The following DPF3 variants were observed in gnomAD, a reference collection of about 807,000 sequenced individuals.
DPF3 encodes zinc finger protein DPF3.
A neutral mutation model predicts 56.8 loss-of-function variants in DPF3; 18 were observed. The observed-to-expected ratio is 0.32, with a 90% CI of 0.22 to 0.47. The LOEUF (loss-of-function observed/expected upper bound fraction) is 0.47, where lower values mean the gene tolerates loss of function less well. Among genes scored for constraint, DPF3 ranks in the 20% least tolerant of loss-of-function variants. DPF3 has a pLI of 1.00. For synonymous variants in DPF3, 188 were observed against 180.2 expected (o/e 1.04, Z -0.35); for missense variants, 403 against 488.8 (o/e 0.82, Z 1.65).
chr14:72,765,407 C>A (rs1007819995), intron 2 of DPF3, among the ~76,000 whole-genome samples: 4 of 152,078 alleles, frequency 2.6e-5, no homozygotes, highest in Non-Finnish European at 4.4e-5. Flanking sequence ...AGGTAGTTAA[C>A]CTCTCAAGGA....
At chr14:72,660,704 G>A (rs1886179447) in intron 8 of DPF3, among the ~76,000 whole-genome samples, 1 of 152,150 alleles carries the variant, frequency 6.6e-6, no homozygotes, top group Non-Finnish European at 1.5e-5. Flanking sequence ...ATACTAAGTC[G>A]GTTCACATAA....
At chr14:72,767,381 A>G (rs1320978929) in intron 2 of DPF3, among the ~76,000 whole-genome samples, 1 of 152,246 alleles carries the variant, frequency 6.6e-6, no homozygotes, top group Non-Finnish European at 1.5e-5. Flanking sequence ...GCCATCATTA[A>G]AAGTGTTTCA....
At chr14:72,746,029 G>A (rs559183435) in intron 3 of DPF3, among the ~76,000 whole-genome samples, 2 of 152,292 alleles carry the variant, frequency 1.3e-5, no homozygotes, top group Admixed American at 1.3e-4. Flanking sequence ...ACAGAAGAGG[G>A]GCTGAGATCT....
chr14:72,615,605 C>T lies in DPF3; in HGVS notation c.*3692G>A, dbSNP rs1220631721. On this transcript the variant is annotated 3_prime_UTR_variant, in exon 11 of 11. Coordinates refer to ENST00000556509, the MANE Select transcript of DPF3 (RefSeq NM_001280542.3). ...GGAGGAATCTGGCCTCCTTCCCTCCCTTCCACCCACCCACAGGCTCTTCCC... is the reference window on the plus strand; with the variant it reads ...GGAGGAATCTGGCCTCCTTCCCTCCTTTCCACCCACCCACAGGCTCTTCCC... 6.6e-6 allele frequency among the ~76,000 whole-genome samples: 1 copy of T among 152,196 alleles called. No individual in the cohort carries two copies. The highest frequency in any genetic ancestry group is 1.5e-5 in the Non-Finnish European group (1 of 68,030).
chr14:72,682,684 T>C (rs1004159326), intron 7 of DPF3, among the ~76,000 whole-genome samples: 1 of 152,216 alleles, frequency 6.6e-6, no homozygotes, highest in East Asian at 1.9e-4. Context: ...AGGGAAAGCA[T>C]GAGCCTTCTG....
intron 1 of DPF3, among the ~76,000 whole-genome samples, chr14:72,850,540 C>T (rs943443851): frequency 4.6e-5 from 7 of 152,208 alleles, no homozygotes; most frequent in African/African-American, 1.7e-4. Context: ...CAGATGTCCC[C>T]GCCCCTGCTC....
chr14:72,772,289 G>A (rs1321841198), intron 1 of DPF3, among the ~76,000 whole-genome samples: 2 of 152,122 alleles, frequency 1.3e-5, no homozygotes, highest in Non-Finnish European at 1.5e-5. Context: ...ACTCATATTA[G>A]CTACATTTTA....
intron 1 of DPF3, among the ~76,000 whole-genome samples, chr14:72,773,198 TCTCAG>T (rs1891610939): frequency 6.6e-6 from 1 of 150,556 alleles, no homozygotes; most frequent in Admixed American, 6.6e-5. Context: ...AACGGTGCGA[TCTCAG>T]CTCACTGCAA....
intron 8 of DPF3, among the ~76,000 whole-genome samples, chr14:72,638,105 G>C (rs894414102): frequency 6.6e-6 from 1 of 152,218 alleles, no homozygotes; most frequent in Non-Finnish European, 1.5e-5. Flanking sequence ...TTGAGCTGCT[G>C]TGTGACAGCT....
rs540630516 is a variant in DPF3 at position 72,835,004 on chromosome 14, C to G, written c.32+59053G>C. Among the ~76,000 whole-genome samples the G allele has an allele frequency of 3.3e-5, 5 of 151,988 alleles. No homozygotes were observed. In the South Asian group the frequency reaches 1.0e-3, roughly 32 times the overall value. Reference sequence around the variant, plus strand: ...ATGGAATATCTAGAATAGGGAAATCCAAGGAGACAAAAAGCAGATTAGTGG... The same window carrying G: ...ATGGAATATCTAGAATAGGGAAATCGAAGGAGACAAAAAGCAGATTAGTGG... On this transcript the variant is annotated intron_variant, in intron 1 of 10. Transcript: ENST00000556509.
At chr14:72,866,208 C>T (rs182940440) in intron 1 of DPF3, among the ~76,000 whole-genome samples, 126 of 152,118 alleles carry the variant, frequency 8.3e-4, no homozygotes, top group Non-Finnish European at 1.6e-3. Context: ...AGGCACATTC[C>T]CACCACCACC....
chr14:72,795,048 A>G (rs1343560474), intron 1 of DPF3, among the ~76,000 whole-genome samples: 1 of 152,092 alleles, frequency 6.6e-6, no homozygotes, highest in East Asian at 1.9e-4. Flanking sequence ...AAAGTCCTTA[A>G]CTTAATCACA....
At chr14:72,661,970 C>A in intron 8 of DPF3, 1 of 983,232 alleles carries the variant, frequency 1.0e-6, no homozygotes, top group Non-Finnish European at 1.2e-6. Flanking sequence ...CTGAGCTAGA[C>A]CTCATCAGAC....
Position 72,619,194 on chromosome 14 carries a change from G to T in DPF3, c.*103C>A. The T allele has an allele frequency of 8.7e-7, 1 of 1,152,934 alleles. No individual in the cohort carries two copies. Among genetic ancestry groups the T allele is most frequent in the Non-Finnish European group, 1.2e-6 (1 of 823,888 alleles). The allele number at this position is 1,152,934 out of a possible 1,614,324, so 71.4% of individuals were successfully genotyped here. The stretch of plus-strand genomic sequence containing the variant: ...CCCTCTGGGACTATTTCTTTTCCTT[G>T]CAGTTGGTCTGGCTGGATATGTGGG... On this transcript the variant is annotated 3_prime_UTR_variant, in exon 11 of 11. Coordinates refer to ENST00000556509, the MANE Select transcript of DPF3 (RefSeq NM_001280542.3).
At chr14:72,890,474 G>T (rs1410751678) in intron 1 of DPF3, among the ~76,000 whole-genome samples, 1 of 113,066 alleles carries the variant, frequency 8.8e-6, no homozygotes, top group East Asian at 3.1e-4. Flanking sequence ...CTGGGCAACA[G>T]AGCAACACCC....
At chr14:72,710,874 A>G (rs1888625649) in intron 6 of DPF3, among the ~76,000 whole-genome samples, 1 of 152,262 alleles carries the variant, frequency 6.6e-6, no homozygotes, top group Non-Finnish European at 1.5e-5. Flanking sequence ...CAAAGTATTC[A>G]TACATCCATA....
intron 1 of DPF3, among the ~76,000 whole-genome samples, chr14:72,871,243 A>G (rs1471175972): frequency 6.6e-6 from 1 of 152,176 alleles, no homozygotes. Context: ...CAGCCAAACC[A>G]TATCATTCTG....
chr14:72,870,958 T>C (rs1352103829), intron 1 of DPF3, among the ~76,000 whole-genome samples: 1 of 152,100 alleles, frequency 6.6e-6, no homozygotes, highest in Non-Finnish European at 1.5e-5. Flanking sequence ...TACCCAAGAC[T>C]GGGAAGAAAA....
chr14:72,774,421 A>G (rs900910007), intron 1 of DPF3, among the ~76,000 whole-genome samples: 2 of 152,104 alleles, frequency 1.3e-5, no homozygotes, highest in Non-Finnish European at 2.9e-5. Context: ...ATTTCTACCA[A>G]CAGTGTACAA....
Sources: allele counts gnomAD v4.1 joint callset (sites outside exome capture counted in the v4.1 genomes callset), GRCh38; gene constraint gnomAD v4.1.1; transcripts MANE v1.5; gene names NCBI Gene and HGNC (gene_info 2026-07-23, HGNC 2026-07-21).